Variants in DMD observed in about 807,000 individuals in gnomAD.
DMD encodes the protein mutant dystrophin.
Under a neutral mutation model 330.1 loss-of-function variants are expected in DMD, and 63 were observed. That is an observed-to-expected ratio of 0.19 (90% CI 0.16 to 0.24). DMD has a LOEUF of 0.24. Among genes scored for constraint, DMD ranks in the 10% least tolerant of loss-of-function variants. The pLI is 1.00. For missense variants in DMD, 3,344 were observed against 2,684.1 expected (o/e 1.25, Z -5.43); for synonymous variants, 1,223 against 959.8 (o/e 1.27, Z -5.07).
chrX:31,510,008 T>G (rs1283334390), intron 55 of DMD, among the ~76,000 whole-genome samples: 2 of 112,380 alleles, frequency 1.8e-5, no homozygotes, highest in Non-Finnish European at 3.8e-5. Context: ...GCTAAAGTTA[T>G]CTTAGCATTG....
intron 1 of DMD, among the ~76,000 whole-genome samples, chrX:33,197,961 G>A (rs772075391): frequency 9.0e-6 from 1 of 111,280 alleles, no homozygotes; most frequent in African/African-American, 3.3e-5. Flanking sequence ...GCTGTATGGT[G>A]ACTGCATGTT....
chrX:32,476,648 T>A (rs770180169), intron 21 of DMD, among the ~76,000 whole-genome samples: 2 of 111,879 alleles, frequency 1.8e-5, no homozygotes, highest in Admixed American at 1.9e-4. Context: ...GTATAGAGTA[T>A]CTCATTTAAA....
chrX:32,796,220 T>C (rs1354290586), intron 7 of DMD, among the ~76,000 whole-genome samples: 1 of 111,246 alleles, frequency 9.0e-6, no homozygotes, highest in Non-Finnish European at 1.9e-5. Context: ...AATAGCAACT[T>C]AAGTGTCCAT....
At chrX:31,508,254 G>A (rs780745444) in intron 55 of DMD, 1 of 1,205,310 alleles carries the variant, frequency 8.3e-7, no homozygotes, top group South Asian at 1.8e-5. Context: ...CTTGAACCGG[G>A]CACTACAGCA....
chrX:33,208,955 C>T (rs2148855811), intron 1 of DMD, among the ~76,000 whole-genome samples: 1 of 111,012 alleles, frequency 9.0e-6, no homozygotes, highest in African/African-American at 3.3e-5. Flanking sequence ...TATTAAACTA[C>T]ACAAGTGGTT....
chrX:32,857,264 A>G (rs1174626979), intron 2 of DMD, among the ~76,000 whole-genome samples: 2 of 112,192 alleles, frequency 1.8e-5, no homozygotes, highest in Non-Finnish European at 3.8e-5. Flanking sequence ...ACTATACATA[A>G]TATACACATA....
chrX:32,130,749 T>C (rs1372788557), intron 44 of DMD, among the ~76,000 whole-genome samples: 6 of 111,959 alleles, frequency 5.4e-5, no homozygotes, highest in African/African-American at 1.9e-4. Flanking sequence ...ACTATTCAGG[T>C]TCCTTTTCAA....
At chrX:32,767,491 G>T (rs2073126000) in intron 7 of DMD, among the ~76,000 whole-genome samples, 1 of 111,310 alleles carries the variant, frequency 9.0e-6, no homozygotes, top group African/African-American at 3.3e-5. Flanking sequence ...TAGACTTATA[G>T]TCCCAATTCT....
intron 60 of DMD, among the ~76,000 whole-genome samples, chrX:31,372,928 C>G (rs868789271): frequency 9.0e-6 from 1 of 111,476 alleles, no homozygotes. Context: ...AAAACCCCAT[C>G]GTCTCAACCC....
At chrX:31,940,103 A>C (rs953897554) in intron 45 of DMD, among the ~76,000 whole-genome samples, 5 of 111,769 alleles carry the variant, frequency 4.5e-5, no homozygotes, top group African/African-American at 1.3e-4. Context: ...GACAGTAAAC[A>C]AGATAAAGAA....
intron 60 of DMD, among the ~76,000 whole-genome samples, chrX:31,357,647 T>G (rs2058737648): frequency 9.0e-6 from 1 of 111,269 alleles, no homozygotes; most frequent in Non-Finnish European, 1.9e-5. Flanking sequence ...CGTACCATCC[T>G]TGCAGCATTT....
chrX:31,957,255 C>A (rs141651445), intron 45 of DMD, among the ~76,000 whole-genome samples: 2 of 111,734 alleles, frequency 1.8e-5, no homozygotes, highest in Admixed American at 9.5e-5. Flanking sequence ...GTATCTTTCT[C>A]CTAAAGTCCG....
At chrX:31,202,502 G>T (rs1262903880) in intron 67 of DMD, among the ~76,000 whole-genome samples, 2 of 104,889 alleles carry the variant, frequency 1.9e-5, no homozygotes, top group Non-Finnish European at 3.9e-5. Context: ...TTACATAAAT[G>T]AACTTATTAT....
chrX:33,172,155 T>C (rs1167105182), intron 1 of DMD, among the ~76,000 whole-genome samples: 1 of 111,435 alleles, frequency 9.0e-6, no homozygotes, highest in Non-Finnish European at 1.9e-5. Flanking sequence ...GGCTATGTTC[T>C]AGGTACTGGA....
intron 60 of DMD, among the ~76,000 whole-genome samples, chrX:31,409,801 A>AT (rs1407235165): frequency 9.2e-6 from 1 of 108,496 alleles, no homozygotes; most frequent in African/African-American, 3.5e-5. Flanking sequence ...TTCTTAAACC[A>AT]TTTTTATTTT....
chrX:33,051,665 T>TTTTTTTTTA (rs2094459463), intron 1 of DMD, among the ~76,000 whole-genome samples: 6 of 86,451 alleles, frequency 6.9e-5, no homozygotes, highest in Non-Finnish European at 1.1e-4. Context: ...TTTTTTTTTT[T>TTTTTTTTTA]GAGACGGAGA....
chrX:31,569,650 GTA>G lies in DMD; in HGVS notation c.8217+58021_8217+58022del, dbSNP rs779222301. On this transcript the variant is annotated intron_variant, in intron 55 of 78. Transcript: ENST00000357033. Reference sequence around the variant, plus strand: ...TATATACGTATATATATGTATATACGTATATATACGTATATATACGTATATAT... The same window carrying G: ...TATATACGTATATATATGTATATACGTATATACGTATATATACGTATATAT... Among the ~76,000 whole-genome samples, 437 of 71,741 alleles carry G rather than the reference GTA, an allele frequency of 6.1e-3. 1 individual carries two copies. The highest frequency in any genetic ancestry group is 0.018 in the African/African-American group (351 of 19,895). The allele number at this position is 71,741 out of a possible 115,157, so 62.3% of individuals were successfully genotyped here. A position where few individuals can be genotyped will look rare whatever the true frequency, so the allele number is the denominator to read the frequency against.
intron 74 of DMD, among the ~76,000 whole-genome samples, chrX:31,153,267 A>C (rs2037677031): frequency 8.9e-6 from 1 of 111,870 alleles, no homozygotes; most frequent in Non-Finnish European, 1.9e-5. Flanking sequence ...AGCTGCATAT[A>C]AGCTGTAGAC....
At chrX:32,501,684 A>G in intron 19 of DMD, 71 bp downstream of exon 19, 1 of 767,107 alleles carries the variant, frequency 1.3e-6, no homozygotes, top group Non-Finnish European at 2.0e-6. Context: ...GATATAATTC[A>G]GCTGATAAAT....
Sources: gnomAD v4.1 joint callset for allele counts (sites outside exome capture counted in the v4.1 genomes callset) on GRCh38, gnomAD v4.1.1 for gene constraint, MANE v1.5 for transcripts, NCBI Gene and HGNC (gene_info 2026-07-23, HGNC 2026-07-21) for gene names.